The following WDFY4 variants were observed in gnomAD, a reference collection of about 807,000 sequenced individuals.
WDFY4 encodes WDFY family member 4, also known as WD repeat- and FYVE domain-containing protein 4.
A neutral mutation model predicts 351.9 loss-of-function variants in WDFY4; 169 were observed. That is an observed-to-expected ratio of 0.48 (90% confidence interval 0.42 to 0.55). The LOEUF (loss-of-function observed/expected upper bound fraction) is 0.55. Ranked by LOEUF, WDFY4 falls within the 20% of genes least tolerant of loss-of-function variation. The pLI, the probability that WDFY4 is intolerant of heterozygous loss-of-function variation, is 0.00. For missense variants in WDFY4, 3,803 were observed against 3,935.6 expected, an observed-to-expected ratio of 0.97 and a Z score of 0.90; for synonymous variants, 1,622 against 1,574.6, an observed-to-expected ratio of 1.03 and a Z score of -0.71.
chr10:48,938,922 G>A (rs1217093121), intron 47 of WDFY4, among the ~76,000 whole-genome samples: 1 of 152,198 alleles, frequency 6.6e-6, no homozygotes, highest in Non-Finnish European at 1.5e-5. Flanking sequence ...ATGTCCGCCT[G>A]TGCTAGGCCC....
chr10:48,842,794 C>T (rs958946024), intron 39 of WDFY4, among the ~76,000 whole-genome samples: 9 of 152,172 alleles, frequency 5.9e-5, no homozygotes, highest in African/African-American at 2.2e-4. Context: ...TTGCTTTGTC[C>T]ATGGCTTGCT....
Position 48,927,912 on chromosome 10 carries a change from T to G in WDFY4, c.7587-13894T>G, listed in dbSNP as rs1317937037. 5.3e-5 allele frequency among the ~76,000 whole-genome samples: 8 copies of G among 152,236 alleles called. No homozygotes were observed. The East Asian group carries it at 1.5e-3, about 29-fold the overall frequency. The stretch of plus-strand genomic sequence containing the variant: ...CAATTAAAATAAAATATTAAGATGA[T>G]TAGTTTAACAGACTAGAAATGCCTT... On this transcript the variant is annotated intron_variant, in intron 47 of 61. Coordinates refer to ENST00000325239, the MANE Select transcript of WDFY4 (RefSeq NM_001394531.1).
In WDFY4 at chr10:48,805,382, G is replaced by A; in HGVS notation, c.4607G>A (p.Cys1536Tyr). Residue 1536 changes from cysteine to tyrosine, a missense_variant, in exon 26 of 62, where the codon TGT becomes TAT. Cys to Tyr is a radical substitution (Grantham distance 194, BLOSUM62 -2). Transcript: ENST00000325239. Reference sequence around the variant, plus strand: ...TCCACCATCATTGGCATCCTGGCCTGTCAGCTGAGGGGCCACTTCAGCACC... The same window carrying A: ...TCCACCATCATTGGCATCCTGGCCTATCAGCTGAGGGGCCACTTCAGCACC... ...KISTIIGILA[C>Y]QLRGHFSTQD... The A allele has an allele frequency of 6.5e-7, 1 of 1,549,456 alleles. No homozygotes were observed. The highest frequency in any genetic ancestry group is 8.7e-7 in the Non-Finnish European group (1 of 1,147,022).
intron 61 of WDFY4, 150 bp from the exon 62 acceptor site, chr10:48,982,359 C>A: frequency 1.7e-6 from 1 of 577,804 alleles, no homozygotes; most frequent in Non-Finnish European, 2.9e-6. Context: ...TCCATTCCTC[C>A]CACTGCCTCC....
At chr10:48,951,209 T>C (rs1020583779) in intron 51 of WDFY4, among the ~76,000 whole-genome samples, 26 of 152,372 alleles carry the variant, frequency 1.7e-4, no homozygotes, top group African/African-American at 5.3e-4. Flanking sequence ...CCAAGCCTGT[T>C]ATTACAATAA....
chr10:48,882,029 A>G (rs1467382441), intron 43 of WDFY4, among the ~76,000 whole-genome samples: 1 of 152,178 alleles, frequency 6.6e-6, no homozygotes, highest in East Asian at 1.9e-4. Flanking sequence ...TCCTTCCCTG[A>G]TACATAGGGT....
intron 19 of WDFY4, among the ~76,000 whole-genome samples, chr10:48,781,154 A>G (rs10857638): frequency 0.051 from 7,754 of 152,216 alleles, 249 homozygotes; most frequent in Middle Eastern, 0.082. Flanking sequence ...TGGGACACAT[A>G]TAGGTGAATT....
chr10:48,925,645 G>T (rs1340502392), intron 47 of WDFY4, among the ~76,000 whole-genome samples: 1 of 152,298 alleles, frequency 6.6e-6, no homozygotes, highest in East Asian at 1.9e-4. Flanking sequence ...CAGATTAGAG[G>T]TGCAGAGATG....
chr10:48,963,109 T>C (rs1343875190), intron 53 of WDFY4, among the ~76,000 whole-genome samples: 1 of 152,152 alleles, frequency 6.6e-6, no homozygotes, highest in Non-Finnish European at 1.5e-5. Flanking sequence ...GCTGGAGTGT[T>C]AGGATCAAAA....
chr10:48,856,031 A>T (rs1215332334), intron 39 of WDFY4, among the ~76,000 whole-genome samples: 1 of 152,116 alleles, frequency 6.6e-6, no homozygotes, highest in African/African-American at 2.4e-5. Flanking sequence ...GAAGGTAAGG[A>T]GAGACTATTG....
Position 48,946,115 on chromosome 10 carries a change from C to A in WDFY4, c.7825C>A (p.Leu2609Met). The change falls in exon 50 of 62, where the codon CTG becomes ATG. Residue 2609 changes from leucine (L) to methionine (M), a missense_variant. By Grantham distance (15) the Leu-to-Met change is conservative. Transcript: ENST00000325239. Reference protein sequence around the residue: ...PMGAQTKERKLKFIQRFKEVE... With the variant: ...PMGAQTKERKMKFIQRFKEVE... Reference sequence around the variant, plus strand: ...GGGGGCTCAGACCAAGGAAAGGAAGCTGAAATTTATCCAGAGGTTTAAAGA... The same window carrying A: ...GGGGGCTCAGACCAAGGAAAGGAAGATGAAATTTATCCAGAGGTTTAAAGA... The A allele has an allele frequency of 6.5e-7, 1 of 1,548,310 alleles. No individual in the cohort carries two copies. Among genetic ancestry groups the A allele is most frequent in the Non-Finnish European group, 8.7e-7 (1 of 1,146,120 alleles).
intron 16 of WDFY4, 48 bp from the exon 17 acceptor site, chr10:48,777,371 A>C: frequency 8.6e-6 from 13 of 1,503,524 alleles, no homozygotes; most frequent in African/African-American, 1.4e-5. Flanking sequence ...TGTCAGTGCA[A>C]GAGATTGGCT....
At chr10:48,814,165 A>G in intron 31 of WDFY4, 83 bp downstream of exon 31, 1 of 1,428,148 alleles carries the variant, frequency 7.0e-7, no homozygotes, top group Non-Finnish European at 9.3e-7. Context: ...CTTTTCTCTT[A>G]GCATCTTCCC....
intron 7 of WDFY4, among the ~76,000 whole-genome samples, chr10:48,728,948 G>T (rs2064361484): frequency 6.6e-6 from 1 of 152,194 alleles, no homozygotes; most frequent in Non-Finnish European, 1.5e-5. Flanking sequence ...GAAATGGCAG[G>T]GCTGGAATAA....
chr10:48,727,696 C>G, intron 7 of WDFY4, 37 bp downstream of exon 7: 1 of 1,546,240 alleles, frequency 6.5e-7, no homozygotes, highest in Non-Finnish European at 8.7e-7. Flanking sequence ...GAGCACAGGA[C>G]CACCAAAGCC....
intron 43 of WDFY4, among the ~76,000 whole-genome samples, chr10:48,881,555 T>G (rs2070250635): frequency 6.6e-6 from 1 of 152,196 alleles, no homozygotes; most frequent in African/African-American, 2.4e-5. Flanking sequence ...GGTTGAGGCC[T>G]GGACTGATGT....
intron 47 of WDFY4, among the ~76,000 whole-genome samples, chr10:48,925,930 T>C (rs1027185204): frequency 2.0e-5 from 3 of 152,122 alleles, no homozygotes; most frequent in African/African-American, 7.2e-5. Context: ...TAGTAAAATA[T>C]TTTTACTATA....
chr10:48,710,931 A>G (rs2063753266), intron 2 of WDFY4, among the ~76,000 whole-genome samples: 1 of 152,218 alleles, frequency 6.6e-6, no homozygotes, highest in Non-Finnish European at 1.5e-5. Flanking sequence ...TAGTTGTAGC[A>G]TTGAAAGCAC....
chr10:48,855,237 G>T (rs1049684614), intron 39 of WDFY4, among the ~76,000 whole-genome samples: 1 of 152,060 alleles, frequency 6.6e-6, no homozygotes, highest in African/African-American at 2.4e-5. Flanking sequence ...ACAGATTTAA[G>T]AATTTTAATA....
Sources: allele counts gnomAD v4.1 joint callset (sites outside exome capture counted in the v4.1 genomes callset), GRCh38; gene constraint gnomAD v4.1.1; transcripts MANE v1.5; gene names NCBI Gene and HGNC (gene_info 2026-07-23, HGNC 2026-07-21).